EYA2: variants seen among roughly 807,000 people sequenced by gnomAD.
EYA2 encodes EYA transcriptional coactivator and phosphatase 2.
In EYA2, 31 loss-of-function variants were observed where a neutral mutation model predicts 69.2. That is an observed-to-expected ratio of 0.45 (90% CI 0.34 to 0.60). The LOEUF (loss-of-function observed/expected upper bound fraction) is 0.60. EYA2 is among the 20% of genes least tolerant of loss of function. EYA2 has a pLI of 0.02. For missense variants in EYA2, 622 were observed against 701.2 expected, an observed-to-expected ratio of 0.89 and a Z score of 1.28; for synonymous variants, 257 against 279.4, an observed-to-expected ratio of 0.92 and a Z score of 0.80.
At chr20:47,029,164 A>G (rs950257978) in intron 5 of EYA2, among the ~76,000 whole-genome samples, 1 of 152,162 alleles carries the variant, frequency 6.6e-6, no homozygotes, top group Non-Finnish European at 1.5e-5. Flanking sequence ...AGGGGAAGAA[A>G]TGGGGGTTAG....
At chr20:47,166,993 C>G (rs2034211588) in intron 10 of EYA2, 1 of 154,778 alleles carries the variant, frequency 6.5e-6, no homozygotes, top group Non-Finnish European at 1.5e-5. Flanking sequence ...TCATGAAGTG[C>G]ACTCATGATA....
intron 1 of EYA2, among the ~76,000 whole-genome samples, chr20:46,967,699 G>A (rs1979874053): frequency 6.6e-6 from 1 of 152,176 alleles, no homozygotes; most frequent in Admixed American, 6.5e-5. Context: ...GGATGCAACA[G>A]GAGAGGTTAG....
chr20:47,150,634 A>C (rs1266777013), intron 10 of EYA2, among the ~76,000 whole-genome samples: 1 of 151,934 alleles, frequency 6.6e-6, no homozygotes, highest in African/African-American at 2.4e-5. Context: ...TGCTCCGCTA[A>C]TATTTTTATT....
chr20:47,149,100 GTAT>G (rs2033767837), intron 10 of EYA2, among the ~76,000 whole-genome samples: 1 of 151,844 alleles, frequency 6.6e-6, no homozygotes, highest in African/African-American at 2.4e-5. Flanking sequence ...AAAAAAACAA[GTAT>G]TATTTATGTT....
At chr20:47,088,632 G>A (rs182285160) in intron 7 of EYA2, among the ~76,000 whole-genome samples, 2 of 152,238 alleles carry the variant, frequency 1.3e-5, no homozygotes, top group East Asian at 3.9e-4. Context: ...CTGTTATCCA[G>A]GTTGGAGTGC....
rs369345188 is a variant in EYA2 at position 47,151,668 on chromosome 20, G to A, written c.978+8520G>A. 3.8e-4 allele frequency among the ~76,000 whole-genome samples: 57 copies of A among 151,900 alleles called. 1 individual carries two copies. Among genetic ancestry groups the A allele is most frequent in the African/African-American group, 9.7e-5 (4 of 41,398 alleles). On this transcript the variant is annotated intron_variant, in intron 10 of 15. Coordinates refer to ENST00000327619, the MANE Select transcript of EYA2 (RefSeq NM_005244.5). ...CCATGTCCTTAGGGAAGTCTTACCCGATTCCCCTCAAAAGGTTAGATTCTG... is the reference window on the plus strand; with the variant it reads ...CCATGTCCTTAGGGAAGTCTTACCCAATTCCCCTCAAAAGGTTAGATTCTG...
intron 5 of EYA2, among the ~76,000 whole-genome samples, chr20:47,061,903 G>C (rs778830653): frequency 6.6e-6 from 1 of 152,188 alleles, no homozygotes; most frequent in African/African-American, 2.4e-5. Context: ...AAACACAGGC[G>C]TACACCTCAG....
At chr20:47,161,177 A>G (rs568229405) in intron 10 of EYA2, 5 of 398,432 alleles carry the variant, frequency 1.3e-5, no homozygotes, top group Admixed American at 7.9e-5. Context: ...GTGGCCTGTC[A>G]CCTTACAAGG....
intron 7 of EYA2, among the ~76,000 whole-genome samples, chr20:47,077,577 C>T (rs78410887): frequency 0.019 from 2,906 of 152,146 alleles, 102 homozygotes; most frequent in African/African-American, 0.066. Context: ...TGTTTTGTTC[C>T]TGGGGTTCTT....
intron 1 of EYA2, among the ~76,000 whole-genome samples, chr20:46,906,249 GA>G (rs1984350871): frequency 6.6e-6 from 1 of 152,218 alleles, no homozygotes; most frequent in African/African-American, 2.4e-5. Flanking sequence ...GGAAGTTTCA[GA>G]AACACGAATC....
intron 1 of EYA2, among the ~76,000 whole-genome samples, chr20:46,941,818 GTGCCATTAT>G (rs1986166679): frequency 6.6e-6 from 1 of 151,988 alleles, no homozygotes; most frequent in African/African-American, 2.4e-5. Flanking sequence ...GAGTGCAGTG[GTGCCATTAT>G]AGCTCACTGT....
rs1288855734 is a variant in EYA2 at position 47,001,331 on chromosome 20, A to G, written c.110-97A>G. 3.8e-6 allele frequency: 4 copies of G among 1,048,314 alleles called. No homozygotes were observed. In the African/African-American group the frequency reaches 4.7e-5, roughly 12 times the overall value. The allele number at this position is 1,048,314 out of a possible 1,614,324, so 64.9% of individuals were successfully genotyped here. A position where few individuals can be genotyped will look rare whatever the true frequency, so the allele number is the denominator to read the frequency against. On this transcript the variant is annotated intron_variant, in intron 2 of 15. Transcript: ENST00000327619. ...AGAAAGCCGCGGGCAGCACCCCTCC[A>G]AGTCTGCTCCTGCTTAAGTGGTGTC...
At chr20:47,184,811 T>A (rs1328892873) in intron 15 of EYA2, among the ~76,000 whole-genome samples, 1 of 152,174 alleles carries the variant, frequency 6.6e-6, no homozygotes, top group African/African-American at 2.4e-5. Context: ...ACCTGTGTCA[T>A]GCTCCAAACG....
intron 5 of EYA2, among the ~76,000 whole-genome samples, chr20:47,023,092 G>T (rs998567103): frequency 6.6e-6 from 1 of 151,666 alleles, no homozygotes; most frequent in Non-Finnish European, 1.5e-5. Flanking sequence ...CATTTACCTA[G>T]TTCGGGCATC....
At position 47,069,594 on chromosome 20, in the gene EYA2, T is replaced by G. The variant is rs145053955; in HGVS notation, c.416-2591T>G. On this transcript the variant is annotated intron_variant, in intron 5 of 15. Coordinates refer to ENST00000327619, the MANE Select transcript of EYA2 (RefSeq NM_005244.5). ...TAAAGTCCAGAAATAAACCTTCTCA[T>G]TTATGGTCAGTTTATCTTTGGCAAA... 6.2e-3 allele frequency among the ~76,000 whole-genome samples: 947 copies of G among 152,248 alleles called. 12 individuals carry two copies. The highest frequency in any genetic ancestry group is 0.022 in the African/African-American group (900 of 41,536).
At chr20:47,010,254 CACTG>C (rs1982975310) in intron 4 of EYA2, among the ~76,000 whole-genome samples, 1 of 152,200 alleles carries the variant, frequency 6.6e-6, no homozygotes, top group South Asian at 2.1e-4. Context: ...CTTAAAATAA[CACTG>C]ACGTATTATT....
intron 8 of EYA2, chr20:47,095,775 C>T (rs1005802401): frequency 5.9e-5 from 9 of 152,072 alleles, no homozygotes; most frequent in East Asian, 3.8e-4. Flanking sequence ...TTCAGATATT[C>T]GAGAATTCAG....
At chr20:47,071,364 G>A (rs963506099) in intron 5 of EYA2, among the ~76,000 whole-genome samples, 4 of 152,238 alleles carry the variant, frequency 2.6e-5, no homozygotes, top group Admixed American at 2.0e-4. Context: ...GACTACTAGA[G>A]TGGCCATAAT....
chr20:47,108,293 G>A (rs553216819), intron 9 of EYA2, among the ~76,000 whole-genome samples: 2 of 152,078 alleles, frequency 1.3e-5, no homozygotes, highest in African/African-American at 2.4e-5. Flanking sequence ...GTGAGAACTC[G>A]TTGTTGAAAA....
Sources: allele counts gnomAD v4.1 joint callset (sites outside exome capture counted in the v4.1 genomes callset), GRCh38; gene constraint gnomAD v4.1.1; transcripts MANE v1.5; gene names NCBI Gene and HGNC (gene_info 2026-07-23, HGNC 2026-07-21).